Variants in BMAL2 observed in about 807,000 individuals in gnomAD.
BMAL2 encodes the protein basic helix-loop-helix ARNT like 2, also known as basic helix-loop-helix ARNT-like protein 2.
the BMAL2 span, among the ~76,000 whole-genome samples, chr12:27,386,419 G>C: frequency 6.6e-6 from 1 of 152,122 alleles, no homozygotes. Flanking sequence ...GCTGCTTCAT[G>C]GGATTTGCTG....
chr12:27,404,636 C>T, the BMAL2 span, among the ~76,000 whole-genome samples: 8 of 152,014 alleles, frequency 5.3e-5, no homozygotes, highest in African/African-American at 7.2e-5. Flanking sequence ...CCAAGATGGC[C>T]GAATAGGAAC....
chr12:27,395,686 C>A, the BMAL2 span, among the ~76,000 whole-genome samples: 10 of 152,154 alleles, frequency 6.6e-5, no homozygotes, highest in Non-Finnish European at 2.9e-5. Flanking sequence ...GGAATGATTT[C>A]TTTCCTTTGA....
chr12:27,387,302 A>G, the BMAL2 span: 1 of 1,605,196 alleles, frequency 6.2e-7, no homozygotes, highest in Non-Finnish European at 8.5e-7. Context: ...CAGTCTCCAA[A>G]ATACTTAATT....
At chr12:27,417,746 C>T in the BMAL2 span, among the ~76,000 whole-genome samples, 1 of 152,160 alleles carries the variant, frequency 6.6e-6, no homozygotes, top group African/African-American at 2.4e-5. Flanking sequence ...GTAATCCCAA[C>T]ACTTTGGGAG....
At chr12:27,336,947 CAAA>C in the BMAL2 span, among the ~76,000 whole-genome samples, 10 of 73,798 alleles carry the variant, frequency 1.4e-4, no homozygotes, top group African/African-American at 2.7e-4. Context: ...GAGACTGTCT[CAAA>C]AAAAAAAAAA....
At chr12:27,401,563 A>G in the BMAL2 span, 1 of 1,607,980 alleles carries the variant, frequency 6.2e-7, no homozygotes, top group Non-Finnish European at 8.5e-7. Context: ...GATTCCTACA[A>G]ATTCAGAGCA....
At chr12:27,333,631 G>A in the BMAL2 span, among the ~76,000 whole-genome samples, 1 of 152,222 alleles carries the variant, frequency 6.6e-6, no homozygotes, top group African/African-American at 2.4e-5. Context: ...CCGCTGCCCC[G>A]CGGTGGAGCG....
At chr12:27,410,532 G>A in the BMAL2 span, among the ~76,000 whole-genome samples, 1 of 152,144 alleles carries the variant, frequency 6.6e-6, no homozygotes, top group Non-Finnish European at 1.5e-5. Flanking sequence ...ACTCATAGGT[G>A]GGAATTGAAC....
the BMAL2 span, chr12:27,380,447 GCT>G: frequency 6.2e-7 from 1 of 1,602,142 alleles, no homozygotes; most frequent in Non-Finnish European, 8.5e-7. Context: ...AGTGAAATCT[GCT>G]CTGTCACTGA....
the BMAL2 span, among the ~76,000 whole-genome samples, chr12:27,410,728 T>G: frequency 6.6e-6 from 1 of 152,116 alleles, no homozygotes. Context: ...ACATGTACCC[T>G]AAAACTAAAA....
the BMAL2 span, chr12:27,420,434 A>C: frequency 6.2e-7 from 1 of 1,614,046 alleles, no homozygotes; most frequent in Non-Finnish European, 8.5e-7. Context: ...CCTATGTGAC[A>C]ATGATGACAC....
chr12:27,422,144 C>G, the BMAL2 span: 1 of 152,134 alleles, frequency 6.6e-6, no homozygotes, highest in Non-Finnish European at 1.5e-5. Context: ...TCTCGGGGAT[C>G]ATACTTTATA....
At chr12:27,420,480 A>AG in the BMAL2 span, 3 of 1,613,606 alleles carry the variant, frequency 1.9e-6, no homozygotes, top group Non-Finnish European at 2.5e-6. Context: ...TTAGAAGCAG[A>AG]GGGGGGCCTG....
At chr12:27,349,907 C>CA in the BMAL2 span, among the ~76,000 whole-genome samples, 1 of 152,244 alleles carries the variant, frequency 6.6e-6, no homozygotes, top group South Asian at 2.1e-4. Context: ...TCTTGCCATT[C>CA]AGTCCATGGT....
At chr12:27,378,208 TATC>T in the BMAL2 span, among the ~76,000 whole-genome samples, 14 of 152,224 alleles carry the variant, frequency 9.2e-5, no homozygotes, top group Non-Finnish European at 1.9e-4. Flanking sequence ...GGAAATTTCT[TATC>T]ATCAGTGGCA....
the BMAL2 span, among the ~76,000 whole-genome samples, chr12:27,369,457 C>T: frequency 3.3e-5 from 5 of 152,288 alleles, no homozygotes; most frequent in Admixed American, 3.3e-4. Flanking sequence ...GGAAGGTTTT[C>T]TACTGTTTTT....
chr12:27,403,576 A>G, the BMAL2 span: 1 of 1,305,778 alleles, frequency 7.7e-7, no homozygotes, highest in Admixed American at 1.9e-5. Flanking sequence ...TTTCAAAAGT[A>G]AAAATATCAT....
the BMAL2 span, among the ~76,000 whole-genome samples, chr12:27,391,539 CT>C: frequency 1.3e-5 from 2 of 152,188 alleles, no homozygotes; most frequent in African/African-American, 2.4e-5. Flanking sequence ...ATCTATTTTC[CT>C]TTGGGTGTAT....
At chr12:27,413,504 CT>C in the BMAL2 span, among the ~76,000 whole-genome samples, 19 of 151,826 alleles carry the variant, frequency 1.3e-4, no homozygotes, top group Non-Finnish European at 2.6e-4. Context: ...CAAATAAGTT[CT>C]TTTTCCAAGA....
Sources: gnomAD v4.1 joint callset for allele counts (sites outside exome capture counted in the v4.1 genomes callset) on GRCh38, gnomAD v4.1.1 for gene constraint, MANE v1.5 for transcripts, NCBI Gene and HGNC (gene_info 2026-07-23, HGNC 2026-07-21) for gene names.